Variants in UNC5D observed in about 807,000 individuals in gnomAD.
UNC5D encodes the protein netrin receptor UNC5D.
A neutral mutation model predicts 105.4 loss-of-function variants in UNC5D; 39 were observed. The observed-to-expected ratio is 0.37, with a 90% confidence interval of 0.29 to 0.48. UNC5D has a LOEUF of 0.48. Among genes scored for constraint, UNC5D ranks in the 20% least tolerant of loss-of-function variants. The pLI, the probability that UNC5D is intolerant of heterozygous loss-of-function variation, is 0.98. For missense variants in UNC5D, 991 were observed against 1,202.4 expected, an observed-to-expected ratio of 0.82 and a Z score of 2.60; for synonymous variants, 452 against 450.4, an observed-to-expected ratio of 1.00 and a Z score of -0.04.
At chr8:35,593,358 A>G (rs2978568) in intron 3 of UNC5D, among the ~76,000 whole-genome samples, 13,869 of 152,192 alleles carry the variant, frequency 0.091, 657 homozygotes, top group Middle Eastern at 0.11. Context: ...CTGAATACAG[A>G]TTAATTGGTG....
intron 1 of UNC5D, among the ~76,000 whole-genome samples, chr8:35,457,497 C>T (rs369738518): frequency 2.2e-4 from 33 of 152,270 alleles, no homozygotes; most frequent in African/African-American, 7.2e-4. Flanking sequence ...ATGATAGGTA[C>T]TGATAACTTA....
intron 11 of UNC5D, among the ~76,000 whole-genome samples, chr8:35,734,220 C>A (rs1433977968): frequency 6.6e-6 from 1 of 151,684 alleles, no homozygotes; most frequent in East Asian, 1.9e-4. Flanking sequence ...GAGATCTCAG[C>A]CCTGGGGCTC....
At chr8:35,664,258 C>G (rs1424928538) in intron 4 of UNC5D, among the ~76,000 whole-genome samples, 1 of 152,150 alleles carries the variant, frequency 6.6e-6, no homozygotes, top group East Asian at 1.9e-4. Context: ...TCTACAGATC[C>G]TGGGGTAAAA....
Position 35,456,909 on chromosome 8 carries a change from A to G in UNC5D, c.104-92383A>G, listed in dbSNP as rs1382399281. Among the ~76,000 whole-genome samples the G allele has an allele frequency of 2.2e-4, 33 of 152,328 alleles. 1 individual carries two copies. Among genetic ancestry groups the G allele is most frequent in the Admixed American group, 2.2e-3 (33 of 15,296 alleles). ...AGTTACAAGATCACATGCACTAAAC[A>G]TGCATCTCCCTTTTAACTTAGCAGC... On this transcript the variant is annotated intron_variant, in intron 1 of 16. Coordinates refer to ENST00000404895, the MANE Select transcript of UNC5D (RefSeq NM_080872.4).
intron 4 of UNC5D, among the ~76,000 whole-genome samples, chr8:35,659,057 A>G (rs1410370087): frequency 2.0e-5 from 3 of 152,172 alleles, no homozygotes; most frequent in Admixed American, 6.5e-5. Flanking sequence ...GAGAATAGGA[A>G]GTGGAGTGGC....
chr8:35,711,711 G>C (rs1239570881), intron 8 of UNC5D, among the ~76,000 whole-genome samples: 1 of 152,028 alleles, frequency 6.6e-6, no homozygotes, highest in East Asian at 1.9e-4. Context: ...TGTCTGCAAG[G>C]CCTTCAACCT....
rs142259936 is a variant in UNC5D at position 35,247,377 on chromosome 8, G to T, written c.103+11490G>T. Among the ~76,000 whole-genome samples the T allele has an allele frequency of 1.3e-3, 197 of 148,300 alleles. 4 individuals are homozygous for T. The East Asian group carries it at 0.034, about 26-fold the overall frequency. ...TATTGTAAAAAAGGTTTGCATTATA[G>T]ATTCGTTTTGTGTTTGGGTGAAAGT... On this transcript the variant is annotated intron_variant, in intron 1 of 16. Coordinates refer to ENST00000404895, the MANE Select transcript of UNC5D (RefSeq NM_080872.4).
At chr8:35,433,188 C>T (rs1227076472) in intron 1 of UNC5D, among the ~76,000 whole-genome samples, 1 of 152,074 alleles carries the variant, frequency 6.6e-6, no homozygotes, top group Non-Finnish European at 1.5e-5. Context: ...CTAAAAAGAA[C>T]AAGAATCAAA....
chr8:35,352,841 G>C (rs1198446801), intron 1 of UNC5D, among the ~76,000 whole-genome samples: 1 of 152,076 alleles, frequency 6.6e-6, no homozygotes, highest in African/African-American at 2.4e-5. Context: ...TCAGACTCCT[G>C]ATATCAAGTG....
chr8:35,650,460 A>G (rs923976943), intron 4 of UNC5D, among the ~76,000 whole-genome samples: 1 of 151,908 alleles, frequency 6.6e-6, no homozygotes, highest in African/African-American at 2.4e-5. Context: ...GAAAGGAACT[A>G]CTGTCTTTTT....
intron 2 of UNC5D, among the ~76,000 whole-genome samples, chr8:35,563,997 A>G (rs1398786573): frequency 6.6e-6 from 1 of 151,964 alleles, no homozygotes. Context: ...TTAATGTGTT[A>G]CTGAATTTGG....
intron 3 of UNC5D, among the ~76,000 whole-genome samples, chr8:35,593,585 C>T (rs1819310612): frequency 6.6e-6 from 1 of 152,024 alleles, no homozygotes; most frequent in Admixed American, 6.6e-5. Context: ...TGACAATCTG[C>T]CCATTTCTAC....
intron 1 of UNC5D, among the ~76,000 whole-genome samples, chr8:35,502,162 C>A (rs1812015120): frequency 6.6e-6 from 1 of 152,064 alleles, no homozygotes. Flanking sequence ...GGGAAGTTAT[C>A]CCTCAATTTC....
chr8:35,503,417 C>T (rs1447606877), intron 1 of UNC5D, among the ~76,000 whole-genome samples: 1 of 152,188 alleles, frequency 6.6e-6, no homozygotes, highest in Non-Finnish European at 1.5e-5. Context: ...GACTTACTCA[C>T]TAGCATGAGA....
chr8:35,713,891 G>A (rs1828105166), intron 8 of UNC5D, among the ~76,000 whole-genome samples: 1 of 152,224 alleles, frequency 6.6e-6, no homozygotes, highest in African/African-American at 2.4e-5. Flanking sequence ...TGGGTAAACA[G>A]CATGAACTGT....
At chr8:35,702,086 T>G (rs918352419) in intron 7 of UNC5D, among the ~76,000 whole-genome samples, 12 of 151,968 alleles carry the variant, frequency 7.9e-5, no homozygotes, top group African/African-American at 2.9e-4. Flanking sequence ...TTATAATAAT[T>G]TATCATCAAT....
chr8:35,505,935 T>G (rs1303875453), intron 1 of UNC5D, among the ~76,000 whole-genome samples: 1 of 152,222 alleles, frequency 6.6e-6, no homozygotes, highest in East Asian at 1.9e-4. Context: ...ATTGTGATAA[T>G]GAAATAATAC....
chr8:35,658,797 G>A (rs889224092), intron 4 of UNC5D, among the ~76,000 whole-genome samples: 3 of 151,888 alleles, frequency 2.0e-5, no homozygotes, highest in Non-Finnish European at 1.5e-5. Context: ...GACTACAGGC[G>A]ACTGATACCA....
At chr8:35,543,901 G>A (rs1815453375) in intron 1 of UNC5D, among the ~76,000 whole-genome samples, 2 of 152,006 alleles carry the variant, frequency 1.3e-5, no homozygotes, top group African/African-American at 4.8e-5. Context: ...ACCATCTTTT[G>A]GTTTTATGAA....
Sources: gnomAD v4.1 joint callset for allele counts (sites outside exome capture counted in the v4.1 genomes callset) on GRCh38, gnomAD v4.1.1 for gene constraint, MANE v1.5 for transcripts, NCBI Gene and HGNC (gene_info 2026-07-23, HGNC 2026-07-21) for gene names.